RALGPS1: variants seen among roughly 807,000 people sequenced by gnomAD.
RALGPS1 encodes Ral GEF with PH domain and SH3 binding motif 1.
In RALGPS1, 19 loss-of-function variants were observed where a neutral mutation model predicts 78.8. That is an observed-to-expected ratio of 0.24 (90% CI 0.17 to 0.35). The LOEUF is 0.35. RALGPS1 is among the 10% of genes least tolerant of loss of function. The pLI, the probability that RALGPS1 is intolerant of heterozygous loss-of-function variation, is 1.00. For missense variants in RALGPS1, 454 were observed against 688.3 expected (o/e 0.66, Z 3.81); for synonymous variants, 228 against 256.3 (o/e 0.89, Z 1.06).
At chr9:126,917,326 C>G (rs2034277810) in intron 1 of RALGPS1, among the ~76,000 whole-genome samples, 1 of 152,184 alleles carries the variant, frequency 6.6e-6, no homozygotes, top group South Asian at 2.1e-4. Context: ...AAAGCTCAAA[C>G]TTGGTGGCAA....
intron 8 of RALGPS1, among the ~76,000 whole-genome samples, chr9:127,153,168 A>G (rs984199014): frequency 3.3e-5 from 5 of 152,292 alleles, no homozygotes; most frequent in South Asian, 2.1e-4. Flanking sequence ...GAATCCTACC[A>G]TTGTCACAGA....
intron 2 of RALGPS1, 132 bp from the exon 3 acceptor site, chr9:126,965,712 C>A: frequency 1.5e-6 from 1 of 655,014 alleles, no homozygotes; most frequent in Non-Finnish European, 2.7e-6. Flanking sequence ...TGGGGTAAAG[C>A]TCTAATCAAT....
At chr9:127,207,733 AGCTCTGG>A (rs2130820959) in intron 14 of RALGPS1, among the ~76,000 whole-genome samples, 1 of 152,206 alleles carries the variant, frequency 6.6e-6, no homozygotes, top group Admixed American at 6.5e-5. Context: ...GTCCTCCTCC[AGCTCTGG>A]AGGACTCACC....
chr9:127,107,314 G>T (rs2054312846), intron 8 of RALGPS1, among the ~76,000 whole-genome samples: 1 of 152,100 alleles, frequency 6.6e-6, no homozygotes. Flanking sequence ...CCCCCATAAC[G>T]GTATTCGGAG....
At chr9:127,062,368 G>A (rs575880592) in intron 7 of RALGPS1, among the ~76,000 whole-genome samples, 1 of 152,324 alleles carries the variant, frequency 6.6e-6, no homozygotes, top group African/African-American at 2.4e-5. Context: ...AAAGTGCTGG[G>A]ATTAGAGGTG....
chr9:126,939,084 G>T (rs143359027), intron 1 of RALGPS1, among the ~76,000 whole-genome samples: 1 of 152,196 alleles, frequency 6.6e-6, no homozygotes, highest in Non-Finnish European at 1.5e-5. Context: ...AAGTGGGAGA[G>T]GGGGGCAGAG....
intron 1 of RALGPS1, among the ~76,000 whole-genome samples, chr9:126,933,964 C>T (rs968550830): frequency 6.6e-6 from 1 of 152,144 alleles, no homozygotes; most frequent in Non-Finnish European, 1.5e-5. Flanking sequence ...GGTTTTTGGC[C>T]TGTCAGAATG....
At chr9:127,098,944 A>C (rs949345373) in intron 8 of RALGPS1, among the ~76,000 whole-genome samples, 1 of 152,226 alleles carries the variant, frequency 6.6e-6, no homozygotes, top group Non-Finnish European at 1.5e-5. Context: ...ATCAGCTCTC[A>C]GTGCAGTGCC....
intron 1 of RALGPS1, among the ~76,000 whole-genome samples, chr9:126,940,101 G>A (rs1218165125): frequency 6.6e-6 from 1 of 152,104 alleles, no homozygotes; most frequent in Non-Finnish European, 1.5e-5. Context: ...CACTCCCATT[G>A]AGGCTGACCC....
chr9:127,143,990 A>AG (rs2057948056), intron 8 of RALGPS1, among the ~76,000 whole-genome samples: 1 of 152,182 alleles, frequency 6.6e-6, no homozygotes, highest in South Asian at 2.1e-4. Context: ...AGGCTGTGGG[A>AG]GGGGGGCAGC....
intron 3 of RALGPS1, among the ~76,000 whole-genome samples, chr9:126,970,329 G>A (rs940808357): frequency 6.6e-6 from 1 of 152,100 alleles, no homozygotes; most frequent in Non-Finnish European, 1.5e-5. Context: ...TAAGCACTGG[G>A]GTATTTGATA....
At chr9:127,056,057 T>C (rs975178010) in intron 7 of RALGPS1, among the ~76,000 whole-genome samples, 9 of 152,312 alleles carry the variant, frequency 5.9e-5, no homozygotes, top group Non-Finnish European at 1.2e-4. Context: ...ATTCCTTGGA[T>C]TGATTGTTTA....
At chr9:127,069,431 C>T (rs2049998273) in intron 8 of RALGPS1, 75 bp downstream of exon 8, 3 of 1,553,094 alleles carry the variant, frequency 1.9e-6, no homozygotes, top group Non-Finnish European at 2.6e-6. Flanking sequence ...ACAGTTTCTA[C>T]CTGAAAAATT....
intron 8 of RALGPS1, among the ~76,000 whole-genome samples, chr9:127,130,879 A>G (rs2056958912): frequency 6.6e-6 from 1 of 152,234 alleles, no homozygotes; most frequent in Non-Finnish European, 1.5e-5. Flanking sequence ...GTGATGGAGA[A>G]GGCTCAGCTC....
chr9:127,110,778 A>G (rs1172306048), intron 8 of RALGPS1, among the ~76,000 whole-genome samples: 2 of 152,042 alleles, frequency 1.3e-5, no homozygotes, highest in African/African-American at 4.8e-5. Context: ...ATTCACCGCC[A>G]AATTACGATG....
chr9:127,069,793 A>G (rs913238039), intron 8 of RALGPS1: 1 of 152,916 alleles, frequency 6.5e-6, no homozygotes, highest in Non-Finnish European at 1.5e-5. Context: ...ATGCATGTTA[A>G]TTGTAAGGAA....
chr9:126,940,904 T>G (rs2036718086), intron 1 of RALGPS1, among the ~76,000 whole-genome samples: 1 of 152,250 alleles, frequency 6.6e-6, no homozygotes, highest in African/African-American at 2.4e-5. Context: ...CTCTAGGTGC[T>G]GTGCTGCTCA....
intron 11 of RALGPS1, among the ~76,000 whole-genome samples, chr9:127,181,429 G>A (rs1352237745): frequency 1.3e-5 from 2 of 152,238 alleles, no homozygotes; most frequent in Non-Finnish European, 2.9e-5. Context: ...CATGCATTGA[G>A]GAAGTGGCAG....
At chr9:126,926,061 A>G (rs1045257185) in intron 1 of RALGPS1, among the ~76,000 whole-genome samples, 1 of 152,342 alleles carries the variant, frequency 6.6e-6, no homozygotes, top group African/African-American at 2.4e-5. Context: ...CTCATTTTTC[A>G]TAACTCCCCA....
Sources: gnomAD v4.1 joint callset for allele counts (sites outside exome capture counted in the v4.1 genomes callset) on GRCh38, gnomAD v4.1.1 for gene constraint, MANE v1.5 for transcripts, NCBI Gene and HGNC (gene_info 2026-07-23, HGNC 2026-07-21) for gene names.